PLXDC2: variants seen among roughly 807,000 people sequenced by gnomAD.
PLXDC2 encodes the protein plexin domain containing 2.
Under a neutral mutation model 68.9 loss-of-function variants are expected in PLXDC2, and 40 were observed. The ratio of observed to expected loss-of-function variants is 0.58; its 90% CI spans 0.45 to 0.76. The LOEUF (loss-of-function observed/expected upper bound fraction) is 0.76. Among genes scored for constraint, PLXDC2 ranks in the 30% least tolerant of loss-of-function variants. The pLI is 0.00. For missense variants in PLXDC2, 644 were observed against 661.9 expected, an observed-to-expected ratio of 0.97 and a Z score of 0.30; for synonymous variants, 243 against 234.2, an observed-to-expected ratio of 1.04 and a Z score of -0.34.
intron 1 of PLXDC2, 88 bp downstream of exon 1, chr10:19,817,279 C>T: frequency 9.5e-7 from 1 of 1,054,756 alleles, no homozygotes; most frequent in Admixed American, 2.1e-5. Context: ...CTCCCCCCAA[C>T]ATCACCTATC....
chr10:19,842,512 C>A (rs11819198), intron 1 of PLXDC2, among the ~76,000 whole-genome samples: 2,961 of 152,254 alleles, frequency 0.019, 94 homozygotes, highest in African/African-American at 0.067. Flanking sequence ...CTGTTGATTT[C>A]TCCCATGTAT....
At chr10:20,235,875 G>A (rs1001470798) in intron 12 of PLXDC2, among the ~76,000 whole-genome samples, 1 of 152,140 alleles carries the variant, frequency 6.6e-6, no homozygotes, top group Non-Finnish European at 1.5e-5. Flanking sequence ...ACTCTGTTCT[G>A]TACCTCCAAA....
chr10:20,023,579 A>G (rs1589592032), intron 2 of PLXDC2, among the ~76,000 whole-genome samples: 1 of 152,230 alleles, frequency 6.6e-6, no homozygotes, highest in East Asian at 1.9e-4. Flanking sequence ...CCCTTCTTCC[A>G]CAGCAAGAGT....
At chr10:19,965,383 G>A (rs556871511) in intron 1 of PLXDC2, among the ~76,000 whole-genome samples, 131 of 152,180 alleles carry the variant, frequency 8.6e-4, no homozygotes, top group African/African-American at 3.0e-3. Context: ...TTTTGGTGGC[G>A]GTAGGTACTG....
intron 1 of PLXDC2, among the ~76,000 whole-genome samples, chr10:19,864,691 G>T (rs562951116): frequency 6.6e-6 from 1 of 152,174 alleles, no homozygotes; most frequent in East Asian, 1.9e-4. Flanking sequence ...TATGATAAGC[G>T]TTGTGCTAGG....
chr10:19,978,139 ATT>A (rs1241866885), intron 1 of PLXDC2, among the ~76,000 whole-genome samples: 3 of 151,864 alleles, frequency 2.0e-5, no homozygotes. Flanking sequence ...GTTCTTTTCC[ATT>A]TTATTTGTTT....
At chr10:20,118,518 A>G (rs1471229382) in intron 4 of PLXDC2, among the ~76,000 whole-genome samples, 1 of 152,224 alleles carries the variant, frequency 6.6e-6, no homozygotes, top group Admixed American at 6.5e-5. Flanking sequence ...CCAATAGGAC[A>G]TGTCAGGAGT....
intron 9 of PLXDC2, among the ~76,000 whole-genome samples, chr10:20,192,719 G>C (rs1834783230): frequency 6.6e-6 from 1 of 151,952 alleles, no homozygotes; most frequent in Admixed American, 6.6e-5. Flanking sequence ...AATAATCTTT[G>C]ATGTTAACAT....
At chr10:20,195,690 A>T (rs1021651082) in intron 9 of PLXDC2, among the ~76,000 whole-genome samples, 2 of 152,130 alleles carry the variant, frequency 1.3e-5, no homozygotes, top group African/African-American at 4.8e-5. Context: ...ATTAGGAAAA[A>T]GATGTTTCCT....
At chr10:20,261,855 AAAT>A (rs34676534) in intron 13 of PLXDC2, among the ~76,000 whole-genome samples, 89,343 of 151,106 alleles carry the variant, frequency 0.59, 27,299 homozygotes, top group Middle Eastern at 0.76. Context: ...ACTCCATCTC[AAAT>A]AATAATAATA....
chr10:20,068,794 A>C (rs1836264586), intron 4 of PLXDC2, among the ~76,000 whole-genome samples: 1 of 151,920 alleles, frequency 6.6e-6, no homozygotes, highest in African/African-American at 2.4e-5. Flanking sequence ...CAAATTTTTA[A>C]AATTTTATTT....
chr10:20,277,195 C>G (rs1190817115), intron 13 of PLXDC2, among the ~76,000 whole-genome samples: 7 of 100,504 alleles, frequency 7.0e-5, no homozygotes, highest in African/African-American at 3.0e-4. Context: ...GGTGACAGAG[C>G]GAGATTCCAT....
intron 7 of PLXDC2, 42 bp downstream of exon 7, chr10:20,164,609 G>T: frequency 6.8e-7 from 1 of 1,480,326 alleles, no homozygotes. Flanking sequence ...AGCCTCTGTG[G>T]GGGTAAATTT....
Position 19,852,425 on chromosome 10 carries a change from C to CAAAAAAAA in PLXDC2, c.112+35267_112+35274dup, listed in dbSNP as rs61430454. On this transcript the variant is annotated intron_variant, in intron 1 of 13. Coordinates refer to ENST00000377252, the MANE Select transcript of PLXDC2 (RefSeq NM_032812.9). ...TGGGTGACAGAGCAAGACCCTGTCT[C>CAAAAAAAA]AAAAAAAAAAAAAAAAAAAAAAAAA... Among the ~76,000 whole-genome samples the CAAAAAAAA allele has an allele frequency of 1.8e-4, 11 of 61,936 alleles. 1 individual carries two copies. The highest frequency in any genetic ancestry group is 4.2e-4 in the East Asian group (1 of 2,374). The allele number at this position is 61,936 out of a possible 152,430, so 40.6% of individuals were successfully genotyped here.
At chr10:20,238,990 G>C (rs1456555089) in intron 12 of PLXDC2, among the ~76,000 whole-genome samples, 1 of 151,844 alleles carries the variant, frequency 6.6e-6, no homozygotes, top group Non-Finnish European at 1.5e-5. Flanking sequence ...GGCAAAAAAA[G>C]ACCTTTACTT....
chr10:19,935,080 A>G (rs1168493370), intron 1 of PLXDC2, among the ~76,000 whole-genome samples: 2 of 152,204 alleles, frequency 1.3e-5, no homozygotes, highest in Non-Finnish European at 2.9e-5. Context: ...TGTTCTGCTC[A>G]TCAAATCATT....
At chr10:20,259,740 C>T (rs987927468) in intron 13 of PLXDC2, among the ~76,000 whole-genome samples, 2 of 152,162 alleles carry the variant, frequency 1.3e-5, no homozygotes, top group Admixed American at 6.5e-5. Flanking sequence ...GTGAGAGGGG[C>T]AAGTGCCCAC....
At chr10:19,951,175 G>GAAA (rs1833985197) in intron 1 of PLXDC2, among the ~76,000 whole-genome samples, 1 of 152,046 alleles carries the variant, frequency 6.6e-6, no homozygotes, top group Non-Finnish European at 1.5e-5. Flanking sequence ...GCATGGCAAA[G>GAAA]AAAAGAAGCT....
intron 6 of PLXDC2, among the ~76,000 whole-genome samples, chr10:20,152,542 A>G (rs2131802713): frequency 6.6e-6 from 1 of 152,258 alleles, no homozygotes; most frequent in East Asian, 1.9e-4. Flanking sequence ...AATAAGAATA[A>G]TATTTTTTTA....
Sources: gnomAD v4.1 joint callset for allele counts (sites outside exome capture counted in the v4.1 genomes callset) on GRCh38, gnomAD v4.1.1 for gene constraint, MANE v1.5 for transcripts, NCBI Gene and HGNC (gene_info 2026-07-23, HGNC 2026-07-21) for gene names.